ACAA2: variants seen among roughly 807,000 people sequenced by gnomAD.
The protein encoded by ACAA2 is acetyl-CoA acyltransferase 2, also known as 3-ketoacyl-CoA thiolase, mitochondrial.
A neutral mutation model predicts 44.8 loss-of-function variants in ACAA2; 35 were observed. The ratio of observed to expected loss-of-function variants is 0.78; its 90% CI spans 0.60 to 1.04. The LOEUF is 1.04. Ranked by LOEUF, ACAA2 falls within the 50% of genes least tolerant of loss-of-function variation. The pLI, the probability that ACAA2 is intolerant of heterozygous loss-of-function variation, is 0.00. For missense variants in ACAA2, 468 were observed against 482.6 expected (o/e 0.97, Z 0.28); for synonymous variants, 142 against 166.5 (o/e 0.85, Z 1.13).
At position 49,802,789 on chromosome 18, in the gene ACAA2, G is replaced by C; in HGVS notation, c.81C>G (p.Phe27Leu). 6 of 1,614,124 alleles carry C rather than the reference G, an allele frequency of 3.7e-6. No homozygotes were observed. Among genetic ancestry groups the C allele is most frequent in the Non-Finnish European group, 5.1e-6 (6 of 1,180,026 alleles). Residue 27 changes from phenylalanine (F) to leucine (L), a missense_variant, in exon 2 of 10, where the codon TTC becomes TTG. Transcript: ENST00000285093. The part of the protein sequence containing the change: ...FGAYGGLLKD[F>L]TATDLSEFAA... The stretch of plus-strand genomic sequence containing the variant: ...CAAATTCAGACAAGTCAGTAGCAGT[G>C]AAGTCTTTCAGAAGGCCTCCGTAAG...
chr18:49,803,722 G>C (rs1157004009), intron 1 of ACAA2, among the ~76,000 whole-genome samples: 1 of 152,070 alleles, frequency 6.6e-6, no homozygotes, highest in Admixed American at 6.5e-5. Flanking sequence ...TAGAATAAAA[G>C]AATCTCCAAA....
intron 1 of ACAA2, among the ~76,000 whole-genome samples, chr18:49,811,077 C>A (rs2023664965): frequency 6.7e-6 from 1 of 149,786 alleles, no homozygotes; most frequent in South Asian, 2.1e-4. Context: ...TCTTTAACAC[C>A]AAACTGAAAT....
chr18:49,808,658 C>A (rs140510783), intron 1 of ACAA2, among the ~76,000 whole-genome samples: 431 of 152,042 alleles, frequency 2.8e-3, no homozygotes, highest in Non-Finnish European at 4.6e-3. Flanking sequence ...AGCAGGTGTA[C>A]GAACAGGGAG....
intron 2 of ACAA2, among the ~76,000 whole-genome samples, chr18:49,801,671 T>C (rs545189448): frequency 1.5e-4 from 23 of 151,518 alleles, no homozygotes; most frequent in Non-Finnish European, 2.2e-4. Flanking sequence ...TCTGTGTCCA[T>C]TGTCATTCTC....
chr18:49,792,797 C>T (rs767794027), intron 5 of ACAA2, among the ~76,000 whole-genome samples: 1 of 152,156 alleles, frequency 6.6e-6, no homozygotes, highest in Non-Finnish European at 1.5e-5. Flanking sequence ...GGAGGATTTA[C>T]GATACCATCA....
chr18:49,794,194 A>G, intron 5 of ACAA2, 86 bp downstream of exon 5: 1 of 998,344 alleles, frequency 1.0e-6, no homozygotes, highest in Non-Finnish European at 1.3e-6. Context: ...TGATTTGTAA[A>G]TATTATATAA....
intron 2 of ACAA2, among the ~76,000 whole-genome samples, chr18:49,800,273 G>A (rs543890755): frequency 2.1e-5 from 3 of 143,204 alleles, no homozygotes; most frequent in East Asian, 4.2e-4. Flanking sequence ...GGAGGGAGGT[G>A]GGGGGGTCAG....
At chr18:49,812,851 A>T (rs976423899) in intron 1 of ACAA2, 1 of 152,112 alleles carries the variant, frequency 6.6e-6, no homozygotes, top group Admixed American at 6.5e-5. Context: ...GTACATCCTT[A>T]AAGTAAGATT....
At position 49,782,221 on chromosome 18, in the gene ACAA2, A is replaced by T. The variant is rs1404841020; in HGVS notation, c.*1626T>A. On this transcript the variant is annotated 3_prime_UTR_variant, in exon 10 of 10. Coordinates refer to ENST00000285093, the MANE Select transcript of ACAA2 (RefSeq NM_006111.3). ...TTATACAGGGCTCTTACTTTTTAAT[A>T]TTTTTATGACAGTAGAGGAAGCCTG... is the stretch of plus-strand genomic sequence containing the variant. 1 of 152,172 alleles carries T rather than the reference A, an allele frequency of 6.6e-6. No homozygotes were observed. Among genetic ancestry groups the T allele is most frequent in the Non-Finnish European group, 1.5e-5 (1 of 68,018 alleles). The allele number at this position is 152,172 out of a possible 1,614,324, so 9.4% of individuals were successfully genotyped here.
chr18:49,791,350 T>C, intron 7 of ACAA2, 120 bp downstream of exon 7: 1 of 888,572 alleles, frequency 1.1e-6, no homozygotes, highest in Non-Finnish European at 1.7e-6. Context: ...TTAAACTGAT[T>C]ACCAATCTTC....
At chr18:49,794,864 G>A (rs780501838) in intron 4 of ACAA2, among the ~76,000 whole-genome samples, 5 of 152,016 alleles carry the variant, frequency 3.3e-5, no homozygotes, top group Admixed American at 1.3e-4. Flanking sequence ...TTCATCCTGC[G>A]CCTCAGTGAC....
rs1042369301 is a variant in ACAA2, at chr18:49,784,036, C to A, written c.1110-105G>T. The A allele has an allele frequency of 2.5e-5, 22 of 890,540 alleles. No individual in the cohort carries two copies. The African/African-American group carries it at 3.0e-4, about 12-fold the overall frequency. The allele number at this position is 890,540 out of a possible 1,614,324, so 55.2% of individuals were successfully genotyped here. On this transcript the variant is annotated intron_variant, in intron 9 of 9. Transcript: ENST00000285093. ...CATTACTCATCCTTATTCAGCTCATCTGCTCAATCTTTTCCCCAGTCCTCA... is the reference window on the plus strand; with the variant it reads ...CATTACTCATCCTTATTCAGCTCATATGCTCAATCTTTTCCCCAGTCCTCA...
In ACAA2 at chr18:49,783,728, T is replaced by TAATC. The variant is rs2143941394; in HGVS notation, c.*115_*118dup. 2 of 762,138 alleles carry TAATC rather than the reference T, an allele frequency of 2.6e-6. No homozygotes were observed. Among genetic ancestry groups the TAATC allele is most frequent in the East Asian group, 5.4e-5 (2 of 36,960 alleles). The allele number at this position is 762,138 out of a possible 1,614,324, so 47.2% of individuals were successfully genotyped here. ...TGTGTCACCATGGCTTGATCAAACT[T>TAATC]AATCACTGTTTCAATGGCAGGGCAT... On this transcript the variant is annotated 3_prime_UTR_variant, in exon 10 of 10. Transcript: ENST00000285093.
intron 6 of ACAA2, 135 bp downstream of exon 6, chr18:49,792,017 T>TAATTGA: frequency 3.5e-6 from 2 of 565,536 alleles, no homozygotes; most frequent in Non-Finnish European, 5.8e-6. Context: ...AAACCTAAAT[T>TAATTGA]AATTGAATAT....
intron 1 of ACAA2, among the ~76,000 whole-genome samples, chr18:49,807,893 G>A (rs371384842): frequency 2.6e-5 from 4 of 150,994 alleles, no homozygotes; most frequent in Admixed American, 1.3e-4. Context: ...AAAGACAAGC[G>A]ACAGACTAGG....
intron 8 of ACAA2, 61 bp from the exon 9 acceptor site, chr18:49,785,412 G>A: frequency 4.5e-6 from 7 of 1,542,456 alleles, no homozygotes; most frequent in Non-Finnish European, 6.2e-6. Context: ...TTTTAAATGA[G>A]AATGGTCCAG....
At position 49,783,388 on chromosome 18, in the gene ACAA2, T is replaced by C. The variant is rs923893224; in HGVS notation, c.*459A>G. 1 of 152,826 alleles carries C rather than the reference T, an allele frequency of 6.5e-6. No individual in the cohort carries two copies. The highest frequency in any genetic ancestry group is 1.5e-5 in the Non-Finnish European group (1 of 68,422). 9.5% of individuals were successfully genotyped at this position (152,826 alleles called of 1,614,324 possible). The stretch of plus-strand genomic sequence containing the variant: ...GGATGTTTGTATAAAAATGTGAATG[T>C]ACTTAATACCAGTGAATTGTACGCT... On this transcript the variant is annotated 3_prime_UTR_variant, in exon 10 of 10. Coordinates refer to ENST00000285093, the MANE Select transcript of ACAA2 (RefSeq NM_006111.3).
intron 2 of ACAA2, among the ~76,000 whole-genome samples, chr18:49,799,265 G>C (rs1478763477): frequency 6.6e-6 from 1 of 151,864 alleles, no homozygotes; most frequent in Admixed American, 6.6e-5. Flanking sequence ...CTGATGCCTA[G>C]CTGAAGCTGG....
intron 2 of ACAA2, among the ~76,000 whole-genome samples, chr18:49,801,800 A>ATG (rs2023551814): frequency 2.1e-5 from 3 of 141,918 alleles, no homozygotes; most frequent in Admixed American, 2.1e-4. Context: ...ATATATATAT[A>ATG]TATATATATA....
Sources: gnomAD v4.1 joint callset for allele counts (sites outside exome capture counted in the v4.1 genomes callset) on GRCh38, gnomAD v4.1.1 for gene constraint, MANE v1.5 for transcripts, NCBI Gene and HGNC (gene_info 2026-07-23, HGNC 2026-07-21) for gene names.